WDPCP: variants seen among roughly 807,000 people sequenced by gnomAD.
WDPCP encodes the protein WD repeat containing planar cell polarity effector, also known as WD repeat-containing and planar cell polarity effector protein fritz homolog.
WDPCP carries 71 observed loss-of-function variants against 93.1 expected under a neutral mutation model. The observed-to-expected ratio is 0.76, with a 90% confidence interval of 0.63 to 0.93. WDPCP has a LOEUF of 0.93. WDPCP is among the 40% of genes least tolerant of loss of function. The pLI is 0.00. For synonymous variants in WDPCP, 315 were observed against 315.0 expected (o/e 1.00, Z 0.00); for missense variants, 844 against 887.4 (o/e 0.95, Z 0.62).
chr2:63,563,823 T>C (rs528229573), intron 1 of WDPCP, among the ~76,000 whole-genome samples: 5 of 152,288 alleles, frequency 3.3e-5, no homozygotes, highest in African/African-American at 1.2e-4. Context: ...ATGCAGCCCC[T>C]TGAAATTGGG....
At chr2:63,305,323 T>C (rs546218511) in intron 13 of WDPCP, among the ~76,000 whole-genome samples, 2 of 152,114 alleles carry the variant, frequency 1.3e-5, no homozygotes, top group East Asian at 1.9e-4. Context: ...CAGGGGTCAA[T>C]AGACACCTCA....
intron 2 of WDPCP, among the ~76,000 whole-genome samples, chr2:63,715,810 G>A (rs371972019): frequency 1.3e-5 from 2 of 152,098 alleles, no homozygotes; most frequent in South Asian, 2.1e-4. Flanking sequence ...ATTGCCATTC[G>A]TCATAAAATC....
rs1337122193 is a variant in WDPCP at position 63,313,235 on chromosome 2, G to T, written c.1812+13C>A. The T allele has an allele frequency of 6.2e-7, 1 of 1,612,612 alleles. No homozygotes were observed. The highest frequency in any genetic ancestry group is 1.1e-5 in the South Asian group (1 of 90,962). ...GAACTGAAGGCACAAAATCATCTCTGAAAATGACTCACCATAAAGAGGTCA... is the reference window on the plus strand; with the variant it reads ...GAACTGAAGGCACAAAATCATCTCTTAAAATGACTCACCATAAAGAGGTCA... On this transcript the variant is annotated intron_variant, in intron 13 of 17. Coordinates refer to ENST00000272321, the MANE Select transcript of WDPCP (RefSeq NM_015910.7).
chr2:63,428,671 GAC>G (rs1255176555), intron 9 of WDPCP, among the ~76,000 whole-genome samples: 1 of 152,152 alleles, frequency 6.6e-6, no homozygotes, highest in Non-Finnish European at 1.5e-5. Context: ...ACTGGAACAA[GAC>G]AAGGATGCCT....
chr2:63,404,259 T>C lies in WDPCP; in HGVS notation c.1224A>G (p.Leu408=), dbSNP rs773464584. 10 of 1,613,882 alleles carry C rather than the reference T, an allele frequency of 6.2e-6. No homozygotes were observed. The highest frequency in any genetic ancestry group is 1.3e-5 in the African/African-American group (1 of 74,932). ...QGELQIFDMA[L]SPINIQLLAE... The stretch of plus-strand genomic sequence containing the variant: ...CCAACAGTTGGATGTTAATAGGGGA[T>C]AGAGCCATATCAAAAATTTGCAACT... The change falls in exon 10 of 18, where the codon CTA becomes CTG. Residue 408 remains leucine (L), a synonymous_variant. Transcript: ENST00000272321.
rs58606765 is a variant in WDPCP, at chr2:63,144,259, T to TTTTTATTTTATTTTA, written c.2190+8640_2190+8654dup. On this transcript the variant is annotated intron_variant, in intron 17 of 17. Transcript: ENST00000272321. ...GTGAGACTTTCCAGAGCATTTACCC[T>TTTTTATTTTATTTTA]TTTTATTTTATTTTATTTTATTTTA... Among the ~76,000 whole-genome samples the TTTTTATTTTATTTTA allele has an allele frequency of 4.9e-3, 726 of 147,964 alleles. 8 individuals are homozygous for TTTTTATTTTATTTTA. The highest frequency in any genetic ancestry group is 0.017 in the African/African-American group (696 of 40,116).
intron 17 of WDPCP, among the ~76,000 whole-genome samples, chr2:63,149,819 T>C (rs1671771536): frequency 6.6e-6 from 1 of 152,064 alleles, no homozygotes; most frequent in South Asian, 2.1e-4. Context: ...ACCAACAATA[T>C]AGCAAGACCC....
chr2:63,788,829 A>G (rs1457755876), intron 2 of WDPCP, among the ~76,000 whole-genome samples: 2 of 152,082 alleles, frequency 1.3e-5, no homozygotes, highest in East Asian at 1.9e-4. Flanking sequence ...TTACCTATCC[A>G]CTGATATCAC....
At chr2:63,288,957 A>C (rs552682245) in intron 13 of WDPCP, among the ~76,000 whole-genome samples, 84 of 152,088 alleles carry the variant, frequency 5.5e-4, no homozygotes, top group African/African-American at 2.0e-3. Context: ...TTTTTTCAAG[A>C]ATACCAAGGA....
At chr2:63,356,938 G>C (rs1690058207) in intron 12 of WDPCP, among the ~76,000 whole-genome samples, 1 of 152,128 alleles carries the variant, frequency 6.6e-6, no homozygotes, top group African/African-American at 2.4e-5. Flanking sequence ...ACATAGGCCA[G>C]TGAAACAGAA....
At chr2:63,297,757 A>C (rs1684981079) in intron 13 of WDPCP, among the ~76,000 whole-genome samples, 1 of 152,148 alleles carries the variant, frequency 6.6e-6, no homozygotes, top group Non-Finnish European at 1.5e-5. Context: ...TAGGACCCGC[A>C]TGGCCTAGTT....
intron 2 of WDPCP, among the ~76,000 whole-genome samples, chr2:63,806,748 G>A (rs907178883): frequency 2.0e-5 from 3 of 152,118 alleles, no homozygotes; most frequent in Non-Finnish European, 2.9e-5. Context: ...AGAGTTCGGC[G>A]ATATTTCTCC....
At chr2:63,494,647 G>A (rs184750364) in intron 1 of WDPCP, among the ~76,000 whole-genome samples, 12 of 151,848 alleles carry the variant, frequency 7.9e-5, no homozygotes, top group Non-Finnish European at 1.2e-4. Context: ...CCGGCCAGGC[G>A]CGGTGGCTCA....
At chr2:63,508,294 G>T (rs1702012817) in intron 1 of WDPCP, among the ~76,000 whole-genome samples, 2 of 152,144 alleles carry the variant, frequency 1.3e-5, no homozygotes, top group African/African-American at 4.8e-5. Context: ...CTATCTTAAA[G>T]AAAAGAATTT....
intron 1 of WDPCP, among the ~76,000 whole-genome samples, chr2:63,551,231 CA>C (rs61266945): frequency 0.81 from 122,097 of 151,572 alleles, 49,773 homozygotes; most frequent in East Asian, 0.98. Context: ...TAAATAAATA[CA>C]AAAAAAAAAT....
chr2:63,439,615 G>A, intron 7 of WDPCP, 142 bp downstream of exon 7: 1 of 648,164 alleles, frequency 1.5e-6, no homozygotes, highest in East Asian at 2.6e-5. Context: ...ATTGGTCCCA[G>A]GGGGTGTAAG....
chr2:63,607,036 C>T (rs1802753), intron 3 of WDPCP: 6 of 1,547,258 alleles, frequency 3.9e-6, no homozygotes, highest in South Asian at 1.2e-5. Flanking sequence ...ATCTAAATGT[C>T]GTCTTTGACT....
intron 2 of WDPCP, among the ~76,000 whole-genome samples, chr2:63,739,123 T>G (rs1669679901): frequency 6.6e-6 from 1 of 152,158 alleles, no homozygotes; most frequent in Admixed American, 6.5e-5. Context: ...ACATATTATT[T>G]TATCACCCCA....
chr2:63,736,269 T>C (rs1669639783), intron 2 of WDPCP, among the ~76,000 whole-genome samples: 1 of 152,204 alleles, frequency 6.6e-6, no homozygotes, highest in Admixed American at 6.5e-5. Flanking sequence ...GCTTAAAAAA[T>C]TGGTTTCAAA....
Sources: allele counts gnomAD v4.1 joint callset (sites outside exome capture counted in the v4.1 genomes callset), GRCh38; gene constraint gnomAD v4.1.1; transcripts MANE v1.5; gene names NCBI Gene and HGNC (gene_info 2026-07-23, HGNC 2026-07-21).